DSCAM: variants seen among roughly 807,000 people sequenced by gnomAD.
DSCAM encodes cell adhesion molecule DSCAM.
Under a neutral mutation model 217.7 loss-of-function variants are expected in DSCAM, and 47 were observed. The ratio of observed to expected loss-of-function variants is 0.22; its 90% CI spans 0.17 to 0.28. The LOEUF (loss-of-function observed/expected upper bound fraction) is 0.28. DSCAM is among the 10% of genes least tolerant of loss of function. DSCAM has a pLI of 1.00. For missense variants in DSCAM, 2,080 were observed against 2,618.3 expected (o/e 0.79, Z 4.49); for synonymous variants, 1,056 against 1,015.3 (o/e 1.04, Z -0.76).
At chr21:40,391,488 T>C (rs915088560) in intron 3 of DSCAM, among the ~76,000 whole-genome samples, 2 of 152,252 alleles carry the variant, frequency 1.3e-5, no homozygotes, top group Non-Finnish European at 2.9e-5. Context: ...AGTAATTTAA[T>C]ACAACCATAG....
At chr21:40,375,809 G>C (rs1486734969) in intron 3 of DSCAM, among the ~76,000 whole-genome samples, 1 of 152,082 alleles carries the variant, frequency 6.6e-6, no homozygotes, top group Non-Finnish European at 1.5e-5. Context: ...TCCTTTCCTA[G>C]GTCTCAGTAA....
chr21:40,296,177 GA>G lies in DSCAM; in HGVS notation c.2063-4del. ...CTGAACCACAAACTTGGGAGGAACT[GA>G]AAAGAGAGAAATGTCACCAGTAATT... On this transcript the variant is annotated splice_region_variant and splice_polypyrimidine_tract_variant and intron_variant, in intron 9 of 32. Coordinates refer to ENST00000400454, the MANE Select transcript of DSCAM (RefSeq NM_001389.5). 1 of 1,613,748 alleles carries G rather than the reference GA, an allele frequency of 6.2e-7. No homozygotes were observed. Among genetic ancestry groups the G allele is most frequent in the Non-Finnish European group, 8.5e-7 (1 of 1,179,858 alleles).
chr21:40,594,023 T>C (rs1438699715), intron 3 of DSCAM, among the ~76,000 whole-genome samples: 1 of 152,242 alleles, frequency 6.6e-6, no homozygotes, highest in East Asian at 1.9e-4. Context: ...TCCATTCATT[T>C]ATCCCCCTAT....
chr21:40,401,047 A>G (rs965920848), intron 3 of DSCAM, among the ~76,000 whole-genome samples: 1 of 152,200 alleles, frequency 6.6e-6, no homozygotes, highest in Non-Finnish European at 1.5e-5. Context: ...TTACCATTGA[A>G]TCAAATACTG....
intron 20 of DSCAM, among the ~76,000 whole-genome samples, chr21:40,095,885 C>A (rs2089669601): frequency 6.6e-6 from 1 of 151,902 alleles, no homozygotes; most frequent in Admixed American, 6.6e-5. Context: ...TACAAAAAGA[C>A]CTAAATTAAA....
intron 3 of DSCAM, among the ~76,000 whole-genome samples, chr21:40,551,396 T>C (rs1012759261): frequency 6.6e-6 from 1 of 152,202 alleles, no homozygotes; most frequent in Non-Finnish European, 1.5e-5. Flanking sequence ...AGAAAGAAAC[T>C]GTCTGGATTA....
chr21:40,395,495 A>G (rs1326153353), intron 3 of DSCAM, among the ~76,000 whole-genome samples: 9 of 152,186 alleles, frequency 5.9e-5, no homozygotes, highest in South Asian at 2.1e-4. Flanking sequence ...TAGGAATACT[A>G]AAATTAGTTA....
intron 3 of DSCAM, among the ~76,000 whole-genome samples, chr21:40,548,503 T>TA (rs60211777): frequency 0.25 from 22,297 of 90,258 alleles, 2,060 homozygotes; most frequent in African/African-American, 0.38. Context: ...AATAAACCAG[T>TA]AAAAAAAAAA....
intron 8 of DSCAM, among the ~76,000 whole-genome samples, chr21:40,324,195 A>G (rs1420223158): frequency 6.6e-6 from 1 of 151,478 alleles, no homozygotes; most frequent in Non-Finnish European, 1.5e-5. Context: ...TTTCCCAAAA[A>G]TTGTTTAAAA....
chr21:40,303,341 CTTG>C (rs1407099571), intron 9 of DSCAM, among the ~76,000 whole-genome samples: 1 of 152,030 alleles, frequency 6.6e-6, no homozygotes, highest in Non-Finnish European at 1.5e-5. Context: ...AGTCTTCAGA[CTTG>C]TTGGTCTCTC....
chr21:40,405,987 A>G (rs1202617696), intron 3 of DSCAM, among the ~76,000 whole-genome samples: 1 of 152,170 alleles, frequency 6.6e-6, no homozygotes, highest in African/African-American at 2.4e-5. Context: ...ACAGAGTGAG[A>G]CTCTGTCTCA....
At chr21:40,483,566 A>G (rs2076000607) in intron 3 of DSCAM, among the ~76,000 whole-genome samples, 1 of 152,118 alleles carries the variant, frequency 6.6e-6, no homozygotes, top group South Asian at 2.1e-4. Context: ...CACAATGATA[A>G]TTTTTTTCTT....
chr21:40,558,229 G>A (rs935485032), intron 3 of DSCAM, among the ~76,000 whole-genome samples: 2 of 152,038 alleles, frequency 1.3e-5, no homozygotes, highest in Non-Finnish European at 2.9e-5. Flanking sequence ...GGCAGATTAC[G>A]AGGTCAGGAG....
intron 3 of DSCAM, among the ~76,000 whole-genome samples, chr21:40,555,635 G>A (rs2076665472): frequency 6.6e-6 from 1 of 152,024 alleles, no homozygotes. Flanking sequence ...GTTTTTTGTT[G>A]TTGTTTGTTT....
chr21:40,641,472 T>G (rs2089878542), intron 3 of DSCAM, among the ~76,000 whole-genome samples: 1 of 152,222 alleles, frequency 6.6e-6, no homozygotes, highest in African/African-American at 2.4e-5. Context: ...CCAGATCACA[T>G]TTAAGTCAAG....
chr21:40,280,235 G>T (rs1013481143), intron 10 of DSCAM, among the ~76,000 whole-genome samples: 1 of 149,072 alleles, frequency 6.7e-6, no homozygotes, highest in Admixed American at 6.7e-5. Context: ...AGGTTGGAGG[G>T]CAGTGACACC....
chr21:40,428,995 A>G (rs971133319), intron 3 of DSCAM, among the ~76,000 whole-genome samples: 2 of 152,012 alleles, frequency 1.3e-5, no homozygotes, highest in Non-Finnish European at 2.9e-5. Context: ...CAGCCCCCAC[A>G]TGGCTACTGA....
chr21:40,477,476 G>T (rs1387828553), intron 3 of DSCAM, among the ~76,000 whole-genome samples: 1 of 152,160 alleles, frequency 6.6e-6, no homozygotes, highest in Non-Finnish European at 1.5e-5. Context: ...TCCAAAGGAC[G>T]TGTAAATTTC....
intron 3 of DSCAM, among the ~76,000 whole-genome samples, chr21:40,651,700 T>G (rs148137551): frequency 6.6e-6 from 1 of 152,340 alleles, no homozygotes; most frequent in African/African-American, 2.4e-5. Context: ...ATATCTTACA[T>G]GCATATTATA....
Sources: gnomAD v4.1 joint callset for allele counts (sites outside exome capture counted in the v4.1 genomes callset) on GRCh38, gnomAD v4.1.1 for gene constraint, MANE v1.5 for transcripts, NCBI Gene and HGNC (gene_info 2026-07-23, HGNC 2026-07-21) for gene names.